The following OSBPL9 variants were observed in gnomAD, a reference collection of about 807,000 sequenced individuals.
OSBPL9 encodes oxysterol-binding protein-related protein 9.
A neutral mutation model predicts 106.6 loss-of-function variants in OSBPL9; 40 were observed. The ratio of observed to expected loss-of-function variants is 0.38; its 90% confidence interval spans 0.29 to 0.49. OSBPL9 has a LOEUF of 0.49. Among genes scored for constraint, OSBPL9 ranks in the 20% least tolerant of loss-of-function variants. The pLI, the probability that OSBPL9 is intolerant of heterozygous loss-of-function variation, is 0.97. For missense variants in OSBPL9, 609 were observed against 887.2 expected, an observed-to-expected ratio of 0.69 and a Z score of 3.98; for synonymous variants, 269 against 295.4, an observed-to-expected ratio of 0.91 and a Z score of 0.92.
At chr1:51,633,781 C>A (rs984784820) in intron 1 of OSBPL9, among the ~76,000 whole-genome samples, 2 of 151,980 alleles carry the variant, frequency 1.3e-5, no homozygotes, top group Non-Finnish European at 2.9e-5. Flanking sequence ...ACCACCACAC[C>A]AGCTAATTTT....
chr1:51,783,297 C>A (rs1470907324), intron 17 of OSBPL9, among the ~76,000 whole-genome samples: 3 of 152,018 alleles, frequency 2.0e-5, no homozygotes, highest in Non-Finnish European at 4.4e-5. Flanking sequence ...ACCTCAGCCT[C>A]CCAGTTAGCT....
intron 2 of OSBPL9, among the ~76,000 whole-genome samples, chr1:51,662,870 G>A (rs1223151567): frequency 6.6e-6 from 1 of 150,442 alleles, no homozygotes; most frequent in Non-Finnish European, 1.5e-5. Context: ...TCAGCCTCCT[G>A]AGTAGCTAGG....
At chr1:51,731,206 C>T (rs1459427661) in intron 4 of OSBPL9, among the ~76,000 whole-genome samples, 1 of 151,896 alleles carries the variant, frequency 6.6e-6, no homozygotes, top group African/African-American at 2.4e-5. Flanking sequence ...GAGGCTGAGG[C>T]GGGAGAATTG....
chr1:51,772,620 A>T lies in OSBPL9; in HGVS notation c.1067A>T (p.His356Leu). The T allele has an allele frequency of 6.2e-7, 1 of 1,613,862 alleles. No individual in the cohort carries two copies. Among genetic ancestry groups the T allele is most frequent in the East Asian group, 2.2e-5 (1 of 44,902 alleles). The change falls in exon 14 of 24, where the codon CAT becomes CTT. Residue 356 changes from histidine to leucine, a missense_variant. Physicochemically the swap from His to Leu is moderately conservative, Grantham distance 99 (BLOSUM62 -3). Transcript: ENST00000428468. Reference sequence around the variant, plus strand: ...TTTATTTTAGACCTGTTTGATTCACATGATGACAGAGATGATGATGCGGAG... The same window carrying T: ...TTTATTTTAGACCTGTTTGATTCACTTGATGACAGAGATGATGATGCGGAG... ...GTSDADLFDS[H>L]DDRDDDAEAG...
At chr1:51,698,818 G>A (rs763204358) in intron 3 of OSBPL9, among the ~76,000 whole-genome samples, 2 of 152,202 alleles carry the variant, frequency 1.3e-5, no homozygotes, top group Non-Finnish European at 2.9e-5. Context: ...TACTTCTAGA[G>A]AGTTGGCTCT....
chr1:51,579,690 G>A (rs1435828000), intron 1 of OSBPL9, among the ~76,000 whole-genome samples: 1 of 151,606 alleles, frequency 6.6e-6, no homozygotes, highest in East Asian at 1.9e-4. Context: ...GCAAAACCTC[G>A]TCTCTACAAA....
At chr1:51,649,582 TTTTC>T (rs1004469955) in intron 1 of OSBPL9, among the ~76,000 whole-genome samples, 3 of 152,144 alleles carry the variant, frequency 2.0e-5, no homozygotes, top group Non-Finnish European at 4.4e-5. Context: ...CAGATTTCTT[TTTTC>T]TTTCTTTCTT....
the OSBPL9 span, among the ~76,000 whole-genome samples, chr1:51,554,347 T>C: frequency 6.6e-6 from 1 of 152,154 alleles, no homozygotes. Flanking sequence ...AAGAGTAGAC[T>C]CTAGACGGTT....
chr1:51,727,069 T>C (rs1663243181), intron 4 of OSBPL9, among the ~76,000 whole-genome samples: 1 of 151,502 alleles, frequency 6.6e-6, no homozygotes, highest in Admixed American at 6.6e-5. Context: ...ATAGAGTAAA[T>C]AAGTATTTTG....
upstream of OSBPL9, among the ~76,000 whole-genome samples, chr1:51,572,501 G>A (rs1645156656): frequency 1.3e-5 from 2 of 152,254 alleles, no homozygotes; most frequent in South Asian, 4.1e-4. Context: ...CTCCTCTAGG[G>A]AAGAAGAACA....
chr1:51,527,910 C>T, the OSBPL9 span, among the ~76,000 whole-genome samples: 4 of 150,144 alleles, frequency 2.7e-5, no homozygotes, highest in Non-Finnish European at 5.9e-5. Flanking sequence ...GTCAGGAGTT[C>T]GAGACCAGCC....
At chr1:51,734,670 T>G (rs1157881851) in intron 4 of OSBPL9, among the ~76,000 whole-genome samples, 1 of 152,154 alleles carries the variant, frequency 6.6e-6, no homozygotes. Context: ...TTTTTATTAT[T>G]GTGGAGAAAT....
intron 3 of OSBPL9, chr1:51,709,285 A>T: frequency 4.6e-6 from 1 of 216,168 alleles, no homozygotes; most frequent in Non-Finnish European, 9.8e-6. Context: ...CTGGAGGGGC[A>T]CCTGGCCAGC....
chr1:51,616,332 C>T (rs1472601344), upstream of OSBPL9, among the ~76,000 whole-genome samples: 2 of 152,148 alleles, frequency 1.3e-5, no homozygotes, highest in Non-Finnish European at 2.9e-5. Context: ...TCTATCCCTA[C>T]TTCTTTGACC....
intron 1 of OSBPL9, 31 bp from the exon 2 acceptor site, chr1:51,651,960 T>G (rs1201468452): frequency 6.4e-7 from 1 of 1,568,580 alleles, no homozygotes; most frequent in Admixed American, 1.7e-5. Flanking sequence ...TGTTAATGTT[T>G]TATTCATTGA....
rs553475093 is a variant in OSBPL9, at chr1:51,771,992, G to A, written c.939-78G>A. ...GCATATATATGCATGCATGTAACCAGCTAACTGTACGAGTCTAGCTTACTA... is the reference window on the plus strand; with the variant it reads ...GCATATATATGCATGCATGTAACCAACTAACTGTACGAGTCTAGCTTACTA... On this transcript the variant is annotated intron_variant, in intron 12 of 23. Coordinates refer to ENST00000428468, the MANE Select transcript of OSBPL9 (RefSeq NM_024586.6). 14 of 1,036,932 alleles carry A rather than the reference G, an allele frequency of 1.4e-5. No homozygotes were observed. The African/African-American group carries it at 1.6e-4, about 12-fold the overall frequency. 64.2% of individuals were successfully genotyped at this position (1,036,932 alleles called of 1,614,324 possible).
intron 2 of OSBPL9, among the ~76,000 whole-genome samples, chr1:51,656,439 C>T (rs187652165): frequency 5.4e-4 from 82 of 152,264 alleles, no homozygotes; most frequent in African/African-American, 1.7e-3. Flanking sequence ...CCTTTTCCCT[C>T]ACTGTGCTTC....
intron 14 of OSBPL9, among the ~76,000 whole-genome samples, chr1:51,775,614 T>G (rs1674883075): frequency 6.6e-6 from 1 of 152,074 alleles, no homozygotes; most frequent in Non-Finnish European, 1.5e-5. Context: ...ATTTATTTAT[T>G]TATTTATTTA....
intron 4 of OSBPL9, among the ~76,000 whole-genome samples, chr1:51,721,140 AT>A (rs77240407): frequency 0.018 from 2,486 of 140,184 alleles, 33 homozygotes; most frequent in African/African-American, 0.038. Context: ...TTTTATGTTA[AT>A]TTTTTTTTTT....
Sources: gnomAD v4.1 joint callset for allele counts (sites outside exome capture counted in the v4.1 genomes callset) on GRCh38, gnomAD v4.1.1 for gene constraint, MANE v1.5 for transcripts, NCBI Gene and HGNC (gene_info 2026-07-23, HGNC 2026-07-21) for gene names.